The following C12orf42 variants were observed in gnomAD, a reference collection of about 807,000 sequenced individuals.
The protein encoded by C12orf42 is uncharacterized protein C12orf42.
C12orf42 carries 25 observed loss-of-function variants against 21.6 expected under a neutral mutation model. That is an observed-to-expected ratio of 1.16 (90% CI 0.84 to 1.62). C12orf42 has a LOEUF of 1.62. Ranked by LOEUF, C12orf42 falls within the 40% of genes most tolerant of loss-of-function variation. The pLI is 0.00. For missense variants in C12orf42, 483 were observed against 459.3 expected (o/e 1.05, Z -0.47); for synonymous variants, 174 against 175.0 (o/e 0.99, Z 0.05).
At chr12:103,168,335 A>C in the C12orf42 span, 63 of 281,290 alleles carry the variant, frequency 2.2e-4, no homozygotes, top group Middle Eastern at 2.6e-3. Flanking sequence ...TTGAGCAGAT[A>C]ACATATTTAA....
chr12:103,394,059 G>A (rs566283237), intron 3 of C12orf42, among the ~76,000 whole-genome samples: 1 of 152,122 alleles, frequency 6.6e-6, no homozygotes, highest in Non-Finnish European at 1.5e-5. Context: ...TCTTTCAGAT[G>A]TTCATACTGG....
At chr12:103,161,021 T>C in the C12orf42 span, among the ~76,000 whole-genome samples, 1 of 152,212 alleles carries the variant, frequency 6.6e-6, no homozygotes, top group African/African-American at 2.4e-5. Flanking sequence ...ACGTTGAGCA[T>C]AACGTCTGGC....
chr12:103,425,050 A>G (rs1468170780), intron 2 of C12orf42, among the ~76,000 whole-genome samples: 1 of 152,212 alleles, frequency 6.6e-6, no homozygotes, highest in Non-Finnish European at 1.5e-5. Flanking sequence ...TTCCCCTCAC[A>G]GTGTAAACAA....
At chr12:103,225,506 T>C in the C12orf42 span, among the ~76,000 whole-genome samples, 1 of 151,658 alleles carries the variant, frequency 6.6e-6, no homozygotes, top group Admixed American at 6.6e-5. Context: ...GGAGTAGAGG[T>C]ATCTTATATT....
At chr12:103,109,015 A>T in the C12orf42 span, among the ~76,000 whole-genome samples, 84 of 152,308 alleles carry the variant, frequency 5.5e-4, no homozygotes, top group African/African-American at 2.0e-3. Context: ...TAGGATGTTA[A>T]TTCTCATCTA....
chr12:103,341,907 G>A (rs2042203589), intron 4 of C12orf42, among the ~76,000 whole-genome samples: 1 of 152,116 alleles, frequency 6.6e-6, no homozygotes, highest in Non-Finnish European at 1.5e-5. Context: ...TGATAAGGAG[G>A]ACTTCTCAGC....
At chr12:103,229,159 C>T in the C12orf42 span, among the ~76,000 whole-genome samples, 3 of 152,226 alleles carry the variant, frequency 2.0e-5, no homozygotes, top group Non-Finnish European at 4.4e-5. Flanking sequence ...ATGAGAATAT[C>T]TTCAGTATCC....
At chr12:103,238,880 T>C (rs957988714) in intron 10 of C12orf42, among the ~76,000 whole-genome samples, 1 of 152,152 alleles carries the variant, frequency 6.6e-6, no homozygotes, top group Non-Finnish European at 1.5e-5. Flanking sequence ...ATAAGCTCGA[T>C]GGAGTCATAA....
the C12orf42 span, among the ~76,000 whole-genome samples, chr12:103,507,511 A>C: frequency 2.0e-5 from 3 of 149,854 alleles, no homozygotes; most frequent in African/African-American, 7.4e-5. Context: ...CTTCAAAAAA[A>C]AAAAAAATTG....
rs1245191077 is a variant in C12orf42, at chr12:103,460,209, AC to A, written c.78+18139del. Among the ~76,000 whole-genome samples the A allele has an allele frequency of 5.3e-5, 8 of 151,752 alleles. No homozygotes were observed. In the East Asian group the frequency reaches 1.5e-3, roughly 29 times the overall value. ...GCAACCTTTACACAATGATTCACGG[AC>A]CTTTGTTTGGTCAACCCCTAGAGAG... On this transcript the variant is annotated intron_variant, in intron 2 of 5. Transcript: ENST00000548883.
At chr12:103,555,380 T>C in the C12orf42 span, among the ~76,000 whole-genome samples, 1 of 152,080 alleles carries the variant, frequency 6.6e-6, no homozygotes, top group African/African-American at 2.4e-5. Flanking sequence ...TTATTCACTA[T>C]CACGAGAACA....
chr12:103,527,989 C>T, the C12orf42 span, among the ~76,000 whole-genome samples: 1 of 152,156 alleles, frequency 6.6e-6, no homozygotes, highest in East Asian at 1.9e-4. Flanking sequence ...TTCACAATAG[C>T]CATTCAGATT....
At chr12:103,244,454 T>C (rs1201992106) in intron 10 of C12orf42, among the ~76,000 whole-genome samples, 1 of 151,850 alleles carries the variant, frequency 6.6e-6, no homozygotes, top group Non-Finnish European at 1.5e-5. Flanking sequence ...TAGAGGAATC[T>C]TCCCCCATGT....
the C12orf42 span, among the ~76,000 whole-genome samples, chr12:103,113,354 T>C: frequency 6.6e-6 from 1 of 152,192 alleles, no homozygotes; most frequent in African/African-American, 2.4e-5. Flanking sequence ...GGATTTCAGA[T>C]CTAGCAACAA....
chr12:103,095,112 C>T, the C12orf42 span, among the ~76,000 whole-genome samples: 2 of 152,146 alleles, frequency 1.3e-5, no homozygotes, highest in Non-Finnish European at 2.9e-5. Flanking sequence ...AAGCTGCCAC[C>T]AACTATCACC....
chr12:103,100,481 G>T, the C12orf42 span, among the ~76,000 whole-genome samples: 1 of 152,212 alleles, frequency 6.6e-6, no homozygotes, highest in Non-Finnish European at 1.5e-5. Flanking sequence ...GTGTGGCACC[G>T]GAGCGGTCAC....
the C12orf42 span, among the ~76,000 whole-genome samples, chr12:103,186,882 G>A: frequency 1.3e-5 from 2 of 152,230 alleles, no homozygotes; most frequent in African/African-American, 4.8e-5. Flanking sequence ...AGAGAGAAAT[G>A]TAGCTGAGAA....
the C12orf42 span, among the ~76,000 whole-genome samples, chr12:103,094,145 A>G: frequency 6.6e-6 from 1 of 152,184 alleles, no homozygotes. Flanking sequence ...AGCCTATATC[A>G]GGTTTTTATG....
intron 2 of C12orf42, among the ~76,000 whole-genome samples, chr12:103,442,688 A>T (rs1951327127): frequency 1.3e-5 from 2 of 152,086 alleles, no homozygotes; most frequent in South Asian, 4.1e-4. Context: ...AGATAATAAA[A>T]CTCTTAAATT....
Sources: allele counts gnomAD v4.1 joint callset (sites outside exome capture counted in the v4.1 genomes callset), GRCh38; gene constraint gnomAD v4.1.1; transcripts MANE v1.5; gene names NCBI Gene and HGNC (gene_info 2026-07-23, HGNC 2026-07-21).